SIRPB1: variants seen among roughly 807,000 people sequenced by gnomAD.
SIRPB1 encodes signal-regulatory protein beta-1.
Under a neutral mutation model 34.1 loss-of-function variants are expected in SIRPB1, and 28 were observed. That is an observed-to-expected ratio of 0.82 (90% CI 0.61 to 1.12). SIRPB1 has a LOEUF of 1.12. Ranked by LOEUF, SIRPB1 falls within the 50% of genes most tolerant of loss-of-function variation. The pLI, the probability that SIRPB1 is intolerant of heterozygous loss-of-function variation, is 0.00. For missense variants in SIRPB1, 499 were observed against 507.0 expected (o/e 0.98, Z 0.15); for synonymous variants, 211 against 203.8 (o/e 1.04, Z -0.30).
chr20:1,570,898 G>T lies in SIRPB1; in HGVS notation c.991C>A (p.Gln331Lys). ...GCTTGCTGCCCATCATGCTCCACCT[G>T]ACAGGTGAGCACCACATCGTCCCTG... ...AHRDDVVLTC[Q>K]VEHDGQQAVS... Residue 331 changes from glutamine to lysine, a missense_variant, in exon 4 of 6, where the codon CAG (glutamine) becomes AAG (lysine). Physicochemically the swap from Gln to Lys is moderately conservative, Grantham distance 53. Coordinates refer to ENST00000381605, the MANE Select transcript of SIRPB1 (RefSeq NM_006065.5). The T allele has an allele frequency of 6.2e-7, 1 of 1,614,158 alleles. No individual in the cohort carries two copies. The highest frequency in any genetic ancestry group is 8.5e-7 in the Non-Finnish European group (1 of 1,180,018).
chr20:1,572,083 A>G (rs1289317939), intron 2 of SIRPB1, 46 bp from the exon 3 acceptor site: 1 of 1,612,472 alleles, frequency 6.2e-7, no homozygotes, highest in Non-Finnish European at 8.5e-7. Context: ...TCAGATGACC[A>G]TCACTGATGA....
Position 1,571,064 on chromosome 20 carries a change from G to A in SIRPB1, c.825C>T (p.Ser275=), listed in dbSNP as rs2091227596. ...ENQANVTCQV[S]NFYPRGLQLT... ...GCTGTAGTCCCCGGGGGTAGAAATT[G>A]CTCACCTGGCAGGTGACGTTTGCCT... Residue 275 remains serine, a synonymous_variant, in exon 4 of 6, where the codon AGC becomes AGT. Transcript: ENST00000381605. 1 of 1,614,044 alleles carries A rather than the reference G, an allele frequency of 6.2e-7. No homozygotes were observed. Among genetic ancestry groups the A allele is most frequent in the African/African-American group, 1.3e-5 (1 of 74,938 alleles).
At position 1,571,202 on chromosome 20, in the gene SIRPB1, A is replaced by G. The variant is rs551311251; in HGVS notation, c.752-65T>C. 168 of 1,486,672 alleles carry G rather than the reference A, an allele frequency of 1.1e-4. 1 individual carries two copies. In the Middle Eastern group the frequency reaches 1.1e-3, roughly 10 times the overall value. 92.1% of individuals were successfully genotyped at this position (1,486,672 alleles called of 1,614,324 possible). ...AGACAGATCACAGGGAGGGCTAAAT[A>G]ACGTAGCTCCCACCAACACAGTGAG... On this transcript the variant is annotated intron_variant, in intron 3 of 5. Coordinates refer to ENST00000381605, the MANE Select transcript of SIRPB1 (RefSeq NM_006065.5).
In SIRPB1 at chr20:1,584,203, C is replaced by T. The variant is rs2091413423; in HGVS notation, c.77-5509G>A. On this transcript the variant is annotated intron_variant, in intron 1 of 5. Coordinates refer to ENST00000381605, the MANE Select transcript of SIRPB1 (RefSeq NM_006065.5). ...AAGTTGTCACCTTTTACTCTAAGAT[C>T]AGGAACAAGACAATGATGCCCACTC... is the stretch of plus-strand genomic sequence containing the variant. Among the ~76,000 whole-genome samples the T allele has an allele frequency of 4.1e-5, 2 of 48,926 alleles. 1 individual carries two copies. The highest frequency in any genetic ancestry group is 7.9e-5 in the Non-Finnish European group (2 of 25,432). 32.1% of individuals were successfully genotyped at this position (48,926 alleles called of 152,430 possible).
chr20:1,593,911 A>T lies in SIRPB1; in HGVS notation c.77-15217T>A, dbSNP rs1600139478. ...ATAGTTTGGAATACAGGACTCCAAA[A>T]TTGATGCAATAGGCCAGGTGCGGTG... On this transcript the variant is annotated intron_variant, in intron 1 of 5. Transcript: ENST00000381605. Among the ~76,000 whole-genome samples, 4 of 48,790 alleles carry T rather than the reference A, an allele frequency of 8.2e-5. 2 individuals carry two copies. Among genetic ancestry groups the T allele is most frequent in the Non-Finnish European group, 7.9e-5 (2 of 25,370 alleles). 32.0% of individuals were successfully genotyped at this position (48,790 alleles called of 152,430 possible).
At chr20:1,572,814 A>G (rs1369276119) in intron 2 of SIRPB1, among the ~76,000 whole-genome samples, 1 of 151,964 alleles carries the variant, frequency 6.6e-6, no homozygotes, top group East Asian at 1.9e-4. Context: ...GAGCATTGGA[A>G]TCACACCTGC....
At position 1,562,936 on chromosome 20, in the gene SIRPB1, C is replaced by G. The variant is rs779380866; in HGVS notation, c.*2564G>C. 1.4e-4 allele frequency among the ~76,000 whole-genome samples: 22 copies of G among 152,136 alleles called. No homozygotes were observed. Among genetic ancestry groups the G allele is most frequent in the Non-Finnish European group, 2.6e-4 (18 of 68,022 alleles). ...GAATGTGAGTGGAATTCTAGAAGTACAAATAGTTGACTGTGGCAATGTAGA... is the reference window on the plus strand; with the variant it reads ...GAATGTGAGTGGAATTCTAGAAGTAGAAATAGTTGACTGTGGCAATGTAGA... On this transcript the variant is annotated 3_prime_UTR_variant, in exon 6 of 6. Coordinates refer to ENST00000381605, the MANE Select transcript of SIRPB1 (RefSeq NM_006065.5).
At chr20:1,569,639 G>T (rs2091195792) in intron 4 of SIRPB1, among the ~76,000 whole-genome samples, 1 of 152,244 alleles carries the variant, frequency 6.6e-6, no homozygotes, top group African/African-American at 2.4e-5. Context: ...ATCATAGGGT[G>T]TTTTGGAAGG....
rs16995332 is a variant in SIRPB1, at chr20:1,571,811, G to A, written c.660C>T (p.Asp220=). 0.12 allele frequency: 199,948 copies of A among 1,614,162 alleles called. 13,661 individuals carry two copies. Among genetic ancestry groups the A allele is most frequent in the Middle Eastern group, 0.15 (897 of 6,062 alleles). The change falls in exon 3 of 6, where the codon GAC becomes GAT. Residue 220 remains aspartate (D), a synonymous_variant. Transcript: ENST00000381605. ...TCTCGCAGATGACTTGAGAGTGAAC[G>A]TCCCCACGGGTCAGCACCACCCTGG... ...STARVVLTRG[D]VHSQVICEIA...
In SIRPB1 at chr20:1,583,887, C is replaced by CTAA. The variant is rs1795507100; in HGVS notation, c.77-5194_77-5193insTTA. ...ACTACTACTACTACTACTACTACTA[C>CTAA]TACTACTGCTGCTGCTGCTGCTGTG... On this transcript the variant is annotated intron_variant, in intron 1 of 5. Transcript: ENST00000381605. Among the ~76,000 whole-genome samples the CTAA allele has an allele frequency of 4.4e-5, 2 of 45,446 alleles. 1 individual carries two copies. The highest frequency in any genetic ancestry group is 3.3e-4 in the African/African-American group (2 of 6,056). 29.8% of individuals were successfully genotyped at this position (45,446 alleles called of 152,430 possible).
rs1377404272 is a variant in SIRPB1, at chr20:1,571,924, A to T, written c.547T>A (p.Trp183Arg). The change falls in exon 3 of 6, where the codon TGG becomes AGG. Residue 183 changes from tryptophan (W) to arginine (R), a missense_variant. Trp to Arg is a moderately radical substitution (Grantham distance 101, BLOSUM62 -3). Transcript: ENST00000381605. ...GAGAGCTCATTCCCATTTTTGAACC[A>T]TTTCAGGGTGATGTCTCTGGGAGAG... is the stretch of plus-strand genomic sequence containing the variant. ...GFSPRDITLKWFKNGNELSDF... is the reference protein window; with the variant it reads ...GFSPRDITLKRFKNGNELSDF... 2 of 1,613,928 alleles carry T rather than the reference A, an allele frequency of 1.2e-6. No homozygotes were observed. The highest frequency in any genetic ancestry group is 8.5e-7 in the Non-Finnish European group (1 of 1,180,002).
Position 1,571,225 on chromosome 20 carries a change from G to A in SIRPB1, c.752-88C>T, listed in dbSNP as rs1261680910. Reference sequence around the variant, plus strand: ...ATAACGTAGCTCCCACCAACACAGTGAGGGCATCACCAGGACAGTGCTAGG... The same window carrying A: ...ATAACGTAGCTCCCACCAACACAGTAAGGGCATCACCAGGACAGTGCTAGG... On this transcript the variant is annotated intron_variant, in intron 3 of 5. Transcript: ENST00000381605. 4 of 1,333,420 alleles carry A rather than the reference G, an allele frequency of 3.0e-6. No homozygotes were observed. The East Asian group carries it at 7.1e-5, about 24-fold the overall frequency. 82.6% of individuals were successfully genotyped at this position (1,333,420 alleles called of 1,614,324 possible).
chr20:1,567,435 C>T (rs949330488), intron 4 of SIRPB1, among the ~76,000 whole-genome samples: 10 of 152,230 alleles, frequency 6.6e-5, no homozygotes, highest in African/African-American at 2.4e-4. Context: ...TCCTCCTACA[C>T]TCCTGCCTCC....
chr20:1,579,706 T>C (rs1219602183), intron 1 of SIRPB1, among the ~76,000 whole-genome samples: 1 of 148,490 alleles, frequency 6.7e-6, no homozygotes, highest in Non-Finnish European at 1.5e-5. Flanking sequence ...TACCAAAACT[T>C]AGTGTGTTAA....
rs1307971799 is a variant in SIRPB1 at position 1,562,134 on chromosome 20, A to G, written c.*3366T>C. On this transcript the variant is annotated 3_prime_UTR_variant, in exon 6 of 6. Coordinates refer to ENST00000381605, the MANE Select transcript of SIRPB1 (RefSeq NM_006065.5). ...TTCCTGCGCCTCTTTGATGTACTCC[A>G]GTCACTGTGGGTTTTGGTTTTGGGG... Among the ~76,000 whole-genome samples, 1 of 152,082 alleles carries G rather than the reference A, an allele frequency of 6.6e-6. No homozygotes were observed. The highest frequency in any genetic ancestry group is 1.5e-5 in the Non-Finnish European group (1 of 68,012).
rs754380375 is a variant in SIRPB1, at chr20:1,571,823, C to A, written c.648G>T (p.Leu216=). 4 of 1,614,216 alleles carry A rather than the reference C, an allele frequency of 2.5e-6. No individual in the cohort carries two copies. The East Asian group carries it at 8.9e-5, about 36-fold the overall frequency. The change falls in exon 3 of 6, where the codon CTG becomes CTT. Residue 216 remains leucine, a synonymous_variant. Transcript: ENST00000381605. ...CTTGAGAGTGAACGTCCCCACGGGTCAGCACCACCCTGGCTGTGCTGTGGA... is the reference window on the plus strand; with the variant it reads ...CTTGAGAGTGAACGTCCCCACGGGTAAGCACCACCCTGGCTGTGCTGTGGA... ...YSIHSTARVV[L]TRGDVHSQVI... is the part of the protein sequence containing the mutation.
At chr20:1,570,437 T>G in intron 4 of SIRPB1, 1 of 182,076 alleles carries the variant, frequency 5.5e-6, no homozygotes. Context: ...TTAGAAAGTG[T>G]AAAAGGCAAG....
At chr20:1,580,106 G>A (rs1458098355) in intron 1 of SIRPB1, among the ~76,000 whole-genome samples, 1 of 148,218 alleles carries the variant, frequency 6.7e-6, no homozygotes, top group Non-Finnish European at 1.5e-5. Flanking sequence ...ATATATGAAA[G>A]CACCATGTTT....
At chr20:1,573,041 G>A (rs1359325372) in intron 2 of SIRPB1, among the ~76,000 whole-genome samples, 2 of 147,142 alleles carry the variant, frequency 1.4e-5, no homozygotes, top group Non-Finnish European at 3.0e-5. Flanking sequence ...ATTGCCATAC[G>A]GGACACTATT....
Sources: gnomAD v4.1 joint callset for allele counts (sites outside exome capture counted in the v4.1 genomes callset) on GRCh38, gnomAD v4.1.1 for gene constraint, MANE v1.5 for transcripts, NCBI Gene and HGNC (gene_info 2026-07-23, HGNC 2026-07-21) for gene names.